The following PRKG1 variants were observed in gnomAD, a reference collection of about 807,000 sequenced individuals.
The protein encoded by PRKG1 is protein kinase cGMP-dependent 1.
Under a neutral mutation model 88.1 loss-of-function variants are expected in PRKG1, and 35 were observed. The observed-to-expected ratio is 0.40, with a 90% CI of 0.30 to 0.53. The LOEUF is 0.53. Among genes scored for constraint, PRKG1 ranks in the 20% least tolerant of loss-of-function variants. The pLI is 0.59. For missense variants in PRKG1, 540 were observed against 839.8 expected, an observed-to-expected ratio of 0.64 and a Z score of 4.41; for synonymous variants, 303 against 292.5, an observed-to-expected ratio of 1.04 and a Z score of -0.37.
chr10:51,368,350 A>ACTTTTGT, intron 2 of PRKG1, among the ~76,000 whole-genome samples: 1 of 151,986 alleles, frequency 6.6e-6, no homozygotes, highest in Admixed American at 6.6e-5. Context: ...GCTTCTCTTG[A>ACTTTTGT]CTTTTTAATA....
At chr10:51,410,528 C>T (rs1019159372) in intron 2 of PRKG1, among the ~76,000 whole-genome samples, 4 of 151,928 alleles carry the variant, frequency 2.6e-5, no homozygotes, top group African/African-American at 9.7e-5. Context: ...TAGATGGTGC[C>T]CACCCAGATT....
intron 8 of PRKG1, among the ~76,000 whole-genome samples, chr10:52,139,733 A>T (rs1450140779): frequency 1.3e-5 from 2 of 152,084 alleles, no homozygotes; most frequent in Non-Finnish European, 2.9e-5. Flanking sequence ...CAAGGTGCAT[A>T]CTCAAGGTAG....
At chr10:51,674,981 A>G (rs1161103331) in intron 3 of PRKG1, among the ~76,000 whole-genome samples, 1 of 152,188 alleles carries the variant, frequency 6.6e-6, no homozygotes, top group Non-Finnish European at 1.5e-5. Context: ...CTTTATGTTT[A>G]TTCAAACTTT....
intron 2 of PRKG1, among the ~76,000 whole-genome samples, chr10:51,436,483 G>A (rs1371370362): frequency 1.3e-5 from 2 of 151,896 alleles, no homozygotes; most frequent in African/African-American, 4.8e-5. Context: ...CCTTCCCAAG[G>A]TGCCTTGAGA....
At chr10:51,637,666 G>T (rs1839692212) in intron 3 of PRKG1, among the ~76,000 whole-genome samples, 1 of 152,152 alleles carries the variant, frequency 6.6e-6, no homozygotes, top group Admixed American at 6.5e-5. Flanking sequence ...ACTAATGCAG[G>T]AACAGAAAAC....
chr10:51,156,875 G>A (rs1846228043), intron 2 of PRKG1, among the ~76,000 whole-genome samples: 1 of 151,886 alleles, frequency 6.6e-6, no homozygotes, highest in South Asian at 2.1e-4. Context: ...TTTATAAAGA[G>A]TATACCATGG....
At chr10:51,897,338 T>A (rs540131464) in intron 4 of PRKG1, among the ~76,000 whole-genome samples, 3 of 152,170 alleles carry the variant, frequency 2.0e-5, no homozygotes. Context: ...ACTAATTTGA[T>A]GCAGAGATGA....
At chr10:51,480,186 A>G (rs1397219697) in intron 3 of PRKG1, among the ~76,000 whole-genome samples, 2 of 152,124 alleles carry the variant, frequency 1.3e-5, no homozygotes, top group Non-Finnish European at 2.9e-5. Flanking sequence ...CTCAATTATT[A>G]TTAATGTTTG....
chr10:52,021,853 G>T (rs1845194467), intron 5 of PRKG1, among the ~76,000 whole-genome samples: 1 of 152,188 alleles, frequency 6.6e-6, no homozygotes, highest in Non-Finnish European at 1.5e-5. Context: ...ATTGTGACAG[G>T]ATAAGAGTCA....
In PRKG1 at chr10:51,229,443, G is replaced by A. The variant is rs74833832; in HGVS notation, c.478+76113G>A. Among the ~76,000 whole-genome samples the A allele has an allele frequency of 7.1e-3, 1,078 of 152,268 alleles. 12 individuals are homozygous for A. Among genetic ancestry groups the A allele is most frequent in the Middle Eastern group, 0.034 (10 of 294 alleles). ...TTTAAGGACTACTATTAGGCTGAGA[G>A]TCACTTTAAGGTTTTAAGAAGTCAG... On this transcript the variant is annotated intron_variant, in intron 2 of 17. Transcript: ENST00000373980.
At chr10:52,118,125 T>C (rs1221243329) in intron 7 of PRKG1, among the ~76,000 whole-genome samples, 1 of 152,094 alleles carries the variant, frequency 6.6e-6, no homozygotes, top group Non-Finnish European at 1.5e-5. Flanking sequence ...GAATTGTCTC[T>C]ACAAAGGTAA....
At chr10:51,677,386 A>C (rs1332186555) in intron 3 of PRKG1, among the ~76,000 whole-genome samples, 1 of 152,096 alleles carries the variant, frequency 6.6e-6, no homozygotes, top group Admixed American at 6.6e-5. Context: ...TATTTTTTGC[A>C]TTTTAAAGTG....
chr10:51,568,108 G>GA (rs372690466), intron 3 of PRKG1, among the ~76,000 whole-genome samples: 66 of 148,418 alleles, frequency 4.4e-4, no homozygotes, highest in African/African-American at 1.3e-3. Context: ...GTCCTCCCAA[G>GA]AAAAAAAAAA....
intron 5 of PRKG1, among the ~76,000 whole-genome samples, chr10:51,978,812 G>A (rs1843917884): frequency 6.6e-6 from 1 of 151,924 alleles, no homozygotes; most frequent in Non-Finnish European, 1.5e-5. Context: ...TGTTGATTTT[G>A]TTTCCTGAGA....
chr10:52,114,293 T>G (rs1451586476), intron 7 of PRKG1, among the ~76,000 whole-genome samples: 1 of 152,080 alleles, frequency 6.6e-6, no homozygotes, highest in Non-Finnish European at 1.5e-5. Flanking sequence ...GATCTGCCAC[T>G]TTTTAGCTGT....
intron 2 of PRKG1, among the ~76,000 whole-genome samples, chr10:51,332,586 G>C (rs1841769326): frequency 6.6e-6 from 1 of 152,178 alleles, no homozygotes; most frequent in Non-Finnish European, 1.5e-5. Flanking sequence ...AAAGTCACAA[G>C]GTTAGGTAGT....
At chr10:52,208,032 A>T (rs374777196) in intron 9 of PRKG1, among the ~76,000 whole-genome samples, 20 of 152,080 alleles carry the variant, frequency 1.3e-4, no homozygotes, top group African/African-American at 4.8e-4. Context: ...GCTCAGAGAG[A>T]TTAGATGACT....
At chr10:51,675,183 A>G (rs1305018168) in intron 3 of PRKG1, among the ~76,000 whole-genome samples, 2 of 152,210 alleles carry the variant, frequency 1.3e-5, no homozygotes, top group African/African-American at 4.8e-5. Context: ...AGCATATGAA[A>G]TATAACACTG....
At chr10:51,962,671 C>T (rs910491874) in intron 5 of PRKG1, among the ~76,000 whole-genome samples, 1 of 152,010 alleles carries the variant, frequency 6.6e-6, no homozygotes, top group African/African-American at 2.4e-5. Flanking sequence ...AATGTAATGT[C>T]TACCTTTCAA....
Sources: allele counts gnomAD v4.1 joint callset (sites outside exome capture counted in the v4.1 genomes callset), GRCh38; gene constraint gnomAD v4.1.1; transcripts MANE v1.5; gene names NCBI Gene and HGNC (gene_info 2026-07-23, HGNC 2026-07-21).